KHDRBS2: variants seen among roughly 807,000 people sequenced by gnomAD.
The protein encoded by KHDRBS2 is KH RNA binding domain containing, signal transduction associated 2, also known as KH domain-containing, RNA-binding, signal transduction-associated protein 2.
KHDRBS2 carries 26 observed loss-of-function variants against 44.3 expected under a neutral mutation model. The ratio of observed to expected loss-of-function variants is 0.59; its 90% CI spans 0.43 to 0.81. KHDRBS2 has a LOEUF of 0.81. Among genes scored for constraint, KHDRBS2 ranks in the 40% least tolerant of loss-of-function variants. The pLI, the probability that KHDRBS2 is intolerant of heterozygous loss-of-function variation, is 0.00. For synonymous variants in KHDRBS2, 194 were observed against 151.1 expected (o/e 1.28, Z -2.08); for missense variants, 476 against 433.1 (o/e 1.10, Z -0.88).
chr6:61,983,404 T>C (rs902723448), intron 3 of KHDRBS2, among the ~76,000 whole-genome samples: 4 of 151,864 alleles, frequency 2.6e-5, no homozygotes, highest in Non-Finnish European at 2.9e-5. Context: ...ATGGAGCCAC[T>C]GCTTACAAAG....
the KHDRBS2 span, among the ~76,000 whole-genome samples, chr6:61,604,660 G>A: frequency 1.3e-5 from 2 of 151,902 alleles, no homozygotes; most frequent in Admixed American, 6.6e-5. Context: ...CTACTCTTCA[G>A]GGATTGTTCA....
chr6:62,286,040 T>G lies in KHDRBS2; in HGVS notation c.-92A>C. 1.3e-6 allele frequency: 1 copy of G among 763,614 alleles called. No individual in the cohort carries two copies. The highest frequency in any genetic ancestry group is 2.3e-6 in the Non-Finnish European group (1 of 441,552). The allele number at this position is 763,614 out of a possible 1,614,324, so 47.3% of individuals were successfully genotyped here. On this transcript the variant is annotated 5_prime_UTR_variant, in exon 1 of 9. Coordinates refer to ENST00000281156, the MANE Select transcript of KHDRBS2 (RefSeq NM_152688.4). ...TTGGGGCAGCGCCTGGCTCCCGCGC[T>G]GCTCCTCCTCCGCGCGGCGAGGGAT...
chr6:61,729,612 C>A (rs932019491), intron 7 of KHDRBS2, among the ~76,000 whole-genome samples: 2 of 152,054 alleles, frequency 1.3e-5, no homozygotes, highest in African/African-American at 2.4e-5. Context: ...TTTGATAATT[C>A]AATCTGTTTA....
At chr6:61,955,520 GTATGTATACATGTGTATATATACACA>G (rs1410209571) in intron 4 of KHDRBS2, among the ~76,000 whole-genome samples, 2 of 53,620 alleles carry the variant, frequency 3.7e-5, no homozygotes, top group African/African-American at 1.7e-4. Context: ...ACATATGTAT[GTATGTATACATGTGTATATATACACA>G]TATGTATGTA....
At chr6:61,907,076 T>C (rs1805177568) in intron 4 of KHDRBS2, among the ~76,000 whole-genome samples, 1 of 152,126 alleles carries the variant, frequency 6.6e-6, no homozygotes, top group Non-Finnish European at 1.5e-5. Context: ...GCATTGCTTG[T>C]CTTTTGGAGA....
chr6:61,901,556 A>G (rs1804046678), intron 4 of KHDRBS2, among the ~76,000 whole-genome samples, 185 bp from the exon 5 acceptor site: 1 of 152,162 alleles, frequency 6.6e-6, no homozygotes, highest in Admixed American at 6.5e-5. Context: ...TCCTATTTTT[A>G]TATAGAGAAA....
At chr6:62,192,295 T>A (rs895164443) in intron 1 of KHDRBS2, among the ~76,000 whole-genome samples, 7 of 152,096 alleles carry the variant, frequency 4.6e-5, no homozygotes, top group African/African-American at 1.7e-4. Context: ...AGAACATGAG[T>A]AGAACATATG....
At chr6:62,263,303 A>G (rs1838666067) in intron 1 of KHDRBS2, among the ~76,000 whole-genome samples, 1 of 145,500 alleles carries the variant, frequency 6.9e-6, no homozygotes, top group Admixed American at 6.8e-5. Context: ...AATGCTTTTT[A>G]AAAAACACAG....
intron 4 of KHDRBS2, among the ~76,000 whole-genome samples, chr6:61,924,617 A>T (rs943672670): frequency 2.6e-5 from 4 of 151,898 alleles, no homozygotes; most frequent in African/African-American, 9.7e-5. Context: ...CATTGTATAG[A>T]TAATATGTCT....
In KHDRBS2 at chr6:62,008,112, T is replaced by C. The variant is rs866405235; in HGVS notation, c.337-29900A>G. ...TCCTGATTAAAACACCACACAATTT[T>C]ACTGTTGGATGAATCACAAAAGTTC... is the stretch of plus-strand genomic sequence containing the variant. On this transcript the variant is annotated intron_variant, in intron 3 of 8. Coordinates refer to ENST00000281156, the MANE Select transcript of KHDRBS2 (RefSeq NM_152688.4). Among the ~76,000 whole-genome samples, 3 of 152,296 alleles carry C rather than the reference T, an allele frequency of 2.0e-5. No homozygotes were observed. In the South Asian group the frequency reaches 6.2e-4, roughly 32 times the overall value.
At chr6:62,041,609 G>A (rs1368333928) in intron 3 of KHDRBS2, among the ~76,000 whole-genome samples, 2 of 152,210 alleles carry the variant, frequency 1.3e-5, no homozygotes, top group African/African-American at 4.8e-5. Flanking sequence ...AAGTGACAAT[G>A]AGGACAAGTT....
At chr6:62,048,097 G>A in intron 2 of KHDRBS2, 103 bp from the exon 3 acceptor site, 1 of 675,908 alleles carries the variant, frequency 1.5e-6, no homozygotes, top group South Asian at 1.6e-5. Flanking sequence ...CTTTACCACT[G>A]AGAAGAGAGT....
At chr6:62,221,301 G>A (rs1045410683) in intron 1 of KHDRBS2, among the ~76,000 whole-genome samples, 1 of 151,966 alleles carries the variant, frequency 6.6e-6, no homozygotes, top group African/African-American at 2.4e-5. Context: ...TGGTTACTAG[G>A]ATTAAGGTAG....
intron 2 of KHDRBS2, among the ~76,000 whole-genome samples, chr6:62,170,028 AC>A (rs1474598071): frequency 6.6e-6 from 1 of 151,758 alleles, no homozygotes; most frequent in African/African-American, 2.4e-5. Context: ...GACTTCACCT[AC>A]CCCAAACACT....
At chr6:61,766,026 T>C (rs934485657) in intron 6 of KHDRBS2, among the ~76,000 whole-genome samples, 1 of 152,106 alleles carries the variant, frequency 6.6e-6, no homozygotes, top group African/African-American at 2.4e-5. Flanking sequence ...CCGTCCTCTA[T>C]TTTTCTGAAT....
At chr6:62,012,487 G>C (rs949019739) in intron 3 of KHDRBS2, among the ~76,000 whole-genome samples, 3 of 152,126 alleles carry the variant, frequency 2.0e-5, no homozygotes, top group African/African-American at 7.2e-5. Flanking sequence ...TTCACTTGGA[G>C]TAAAATCCAA....
intron 2 of KHDRBS2, among the ~76,000 whole-genome samples, chr6:62,082,387 T>C (rs866517239): frequency 2.0e-5 from 3 of 151,722 alleles, no homozygotes; most frequent in African/African-American, 7.3e-5. Context: ...TAGGAATATT[T>C]TGCACATTTA....
chr6:61,834,121 G>A (rs1792270564), intron 6 of KHDRBS2, among the ~76,000 whole-genome samples: 1 of 151,962 alleles, frequency 6.6e-6, no homozygotes, highest in African/African-American at 2.4e-5. Context: ...TTAATCTCAG[G>A]AGTATTTGTT....
At chr6:62,043,712 C>T (rs746490393) in intron 3 of KHDRBS2, among the ~76,000 whole-genome samples, 27 of 151,938 alleles carry the variant, frequency 1.8e-4, no homozygotes, top group Non-Finnish European at 3.8e-4. Context: ...TTCCCCAACA[C>T]GAGATAACAC....
Sources: gnomAD v4.1 joint callset for allele counts (sites outside exome capture counted in the v4.1 genomes callset) on GRCh38, gnomAD v4.1.1 for gene constraint, MANE v1.5 for transcripts, NCBI Gene and HGNC (gene_info 2026-07-23, HGNC 2026-07-21) for gene names.